CYP39A1: variants seen among roughly 807,000 people sequenced by gnomAD.
CYP39A1 encodes 24-hydroxycholesterol 7-alpha-hydroxylase.
CYP39A1 carries 49 observed loss-of-function variants against 58.1 expected under a neutral mutation model. The ratio of observed to expected loss-of-function variants is 0.84; its 90% CI spans 0.67 to 1.07. The LOEUF (loss-of-function observed/expected upper bound fraction) is 1.07, where lower values mean the gene tolerates loss of function less well. Ranked by LOEUF, CYP39A1 falls within the 50% of genes least tolerant of loss-of-function variation. The pLI is 0.00. For missense variants in CYP39A1, 531 were observed against 539.4 expected (o/e 0.98, Z 0.16); for synonymous variants, 209 against 187.6 (o/e 1.11, Z -0.93).
At chr6:46,592,158 A>G (rs1429854611) in intron 8 of CYP39A1, among the ~76,000 whole-genome samples, 24 of 152,260 alleles carry the variant, frequency 1.6e-4, no homozygotes, top group Admixed American at 1.5e-3. Context: ...GTGTTCGTCC[A>G]TTTCAATTCA....
At chr6:46,560,450 A>T (rs1284567049) in intron 10 of CYP39A1, among the ~76,000 whole-genome samples, 1 of 152,158 alleles carries the variant, frequency 6.6e-6, no homozygotes, top group African/African-American at 2.4e-5. Context: ...ATCAAGGATG[A>T]CTCCAAAGTT....
intron 9 of CYP39A1, 43 bp downstream of exon 9, chr6:46,587,991 A>T: frequency 8.5e-7 from 1 of 1,178,750 alleles, no homozygotes; most frequent in East Asian, 2.6e-5. Context: ...AATAAAAAGA[A>T]ATTAAAATGA....
chr6:46,634,689 T>C (rs1277941132), intron 5 of CYP39A1, among the ~76,000 whole-genome samples: 1 of 151,874 alleles, frequency 6.6e-6, no homozygotes, highest in Admixed American at 6.6e-5. Context: ...GCCAGGCTAA[T>C]TTTTGTATTT....
chr6:46,555,489 A>G (rs1770628288), intron 10 of CYP39A1, among the ~76,000 whole-genome samples: 1 of 151,910 alleles, frequency 6.6e-6, no homozygotes, highest in Admixed American at 6.6e-5. Flanking sequence ...ATAGTGATGG[A>G]AAGTGATGCC....
chr6:46,605,359 G>C (rs1313537288), intron 7 of CYP39A1, among the ~76,000 whole-genome samples: 3 of 152,156 alleles, frequency 2.0e-5, no homozygotes, highest in African/African-American at 7.2e-5. Context: ...CAGCTTCAAT[G>C]ATAGGTCACT....
chr6:46,561,734 A>G, intron 10 of CYP39A1, among the ~76,000 whole-genome samples: 1 of 152,178 alleles, frequency 6.6e-6, no homozygotes, highest in East Asian at 1.9e-4. Flanking sequence ...GAGGTATTCA[A>G]TAAATACTTC....
rs925701209 is a variant in CYP39A1, at chr6:46,652,781, C to T, written c.-199G>A. 16 of 519,426 alleles carry T rather than the reference C, an allele frequency of 3.1e-5. No homozygotes were observed. The East Asian group carries it at 4.6e-4, about 15-fold the overall frequency. The allele number at this position is 519,426 out of a possible 1,614,324, so 32.2% of individuals were successfully genotyped here. The stretch of plus-strand genomic sequence containing the variant: ...TTCCATTGTCGCTCCCTCCCACCTC[C>T]ACTTCTCTTTGAATCTCAGCCAGCG... On this transcript the variant is annotated 5_prime_UTR_variant, in exon 1 of 12. Transcript: ENST00000275016.
chr6:46,642,203 T>C lies in CYP39A1; in HGVS notation c.273A>G (p.Val91=). 1 of 1,613,058 alleles carries C rather than the reference T, an allele frequency of 6.2e-7. No homozygotes were observed. The highest frequency in any genetic ancestry group is 8.5e-7 in the Non-Finnish European group (1 of 1,179,386). Reference sequence around the variant, plus strand: ...TATTTTGCACTGCTAGTTCAAAATCTACTTTTTTGGATTTTAGAAACACAT... The same window carrying C: ...TATTTTGCACTGCTAGTTCAAAATCCACTTTTTTGGATTTTAGAAACACAT... ...GINVFLKSKK[V]DFELAVQNIV... Residue 91 remains valine, a synonymous_variant, in exon 2 of 12, where the codon GTA becomes GTG. Transcript: ENST00000275016.
intron 5 of CYP39A1, among the ~76,000 whole-genome samples, chr6:46,631,956 T>C (rs1775690936): frequency 6.6e-6 from 1 of 152,210 alleles, no homozygotes. Flanking sequence ...CTTTTAATCT[T>C]AAATAACTTA....
At chr6:46,643,563 A>C (rs922290006) in intron 1 of CYP39A1, among the ~76,000 whole-genome samples, 2 of 152,204 alleles carry the variant, frequency 1.3e-5, no homozygotes, top group African/African-American at 4.8e-5. Context: ...TCATTGTTAA[A>C]GTTTTGTTCA....
At chr6:46,631,126 TAATA>T in intron 5 of CYP39A1, 56 bp from the exon 6 acceptor site, 1 of 1,289,198 alleles carries the variant, frequency 7.8e-7, no homozygotes, top group Non-Finnish European at 1.1e-6. Flanking sequence ...ATATCGATGT[TAATA>T]AACAAGAGAT....
intron 10 of CYP39A1, among the ~76,000 whole-genome samples, chr6:46,575,482 A>G (rs1395409402): frequency 6.6e-6 from 1 of 152,126 alleles, no homozygotes; most frequent in African/African-American, 2.4e-5. Flanking sequence ...AATGGCCACC[A>G]CGAGTTGTTT....
chr6:46,639,412 T>G, intron 3 of CYP39A1, 82 bp downstream of exon 3: 1 of 1,293,414 alleles, frequency 7.7e-7, no homozygotes, highest in Non-Finnish European at 1.1e-6. Context: ...AACCTGACAA[T>G]GTTTGAAGTC....
At chr6:46,634,728 G>A (rs1457927085) in intron 5 of CYP39A1, among the ~76,000 whole-genome samples, 6 of 152,046 alleles carry the variant, frequency 3.9e-5, no homozygotes, top group South Asian at 2.1e-4. Context: ...CACCATGTTC[G>A]CCAGGCTGAT....
At chr6:46,554,656 T>C (rs1433485365) in intron 10 of CYP39A1, among the ~76,000 whole-genome samples, 1 of 152,232 alleles carries the variant, frequency 6.6e-6, no homozygotes, top group African/African-American at 2.4e-5. Context: ...TATTTTTCCC[T>C]GTGTCCCATT....
Position 46,596,070 on chromosome 6 carries a change from T to C in CYP39A1, c.982A>G (p.Ile328Val). 1.2e-6 allele frequency: 2 copies of C among 1,611,524 alleles called. No individual in the cohort carries two copies. The highest frequency in any genetic ancestry group is 1.7e-6 in the Non-Finnish European group (2 of 1,178,522). ...SEDDLENLLL[I>V]KWCVLETIRL... ...ATGGTTTCCAAAACACACCATTTAA[T>C]TAGAAGGAGATTCTCCAGGTCATCC... Residue 328 changes from isoleucine to valine, a missense_variant, in exon 8 of 12, where the codon ATT (isoleucine) becomes GTT (valine). Ile to Val is a conservative substitution (Grantham distance 29). Transcript: ENST00000275016.
intron 10 of CYP39A1, among the ~76,000 whole-genome samples, chr6:46,576,775 G>A (rs932124208): frequency 9.2e-5 from 14 of 152,172 alleles, no homozygotes; most frequent in African/African-American, 1.4e-4. Context: ...TCAAATCAAC[G>A]CAGGCAGACA....
intron 5 of CYP39A1, among the ~76,000 whole-genome samples, chr6:46,631,454 C>T (rs779337462): frequency 4.6e-5 from 7 of 152,126 alleles, no homozygotes; most frequent in Non-Finnish European, 8.8e-5. Flanking sequence ...TAAAATAAAA[C>T]CTTTCAGAGG....
At chr6:46,616,144 CTTTCTTTCTTTCTTTCTTT>C (rs759527580) in intron 7 of CYP39A1, among the ~76,000 whole-genome samples, 842 of 1,842 alleles carry the variant, frequency 0.46, 104 homozygotes, top group Middle Eastern at 1. Context: ...TTCTTTCTTT[CTTTCTTTCTTTCTTTCTTT>C]TTTCTTTCTT....
Sources: gnomAD v4.1 joint callset for allele counts (sites outside exome capture counted in the v4.1 genomes callset) on GRCh38, gnomAD v4.1.1 for gene constraint, MANE v1.5 for transcripts, NCBI Gene and HGNC (gene_info 2026-07-23, HGNC 2026-07-21) for gene names.